The following CEP128 variants were observed in gnomAD, a reference collection of about 807,000 sequenced individuals.
CEP128 encodes centrosomal protein 128kDa.
Under a neutral mutation model 156.7 loss-of-function variants are expected in CEP128, and 132 were observed. That is an observed-to-expected ratio of 0.84 (90% CI 0.73 to 0.97). The LOEUF is 0.97. Ranked by LOEUF, CEP128 falls within the 50% of genes least tolerant of loss-of-function variation. CEP128 has a pLI of 0.00. For missense variants in CEP128, 1,252 were observed against 1,281.9 expected, an observed-to-expected ratio of 0.98 and a Z score of 0.36; for synonymous variants, 469 against 448.9, an observed-to-expected ratio of 1.04 and a Z score of -0.57.
intron 19 of CEP128, among the ~76,000 whole-genome samples, chr14:80,608,360 A>G (rs1202461126): frequency 6.6e-6 from 1 of 152,226 alleles, no homozygotes; most frequent in Non-Finnish European, 1.5e-5. Flanking sequence ...GCTCAGTAAT[A>G]CATGCTGAAT....
intron 19 of CEP128, among the ~76,000 whole-genome samples, chr14:80,703,511 T>C (rs1157982223): frequency 1.3e-5 from 2 of 151,118 alleles, no homozygotes; most frequent in African/African-American, 4.9e-5. Flanking sequence ...TTGGAGAAAT[T>C]AGAAAAAAAA....
intron 19 of CEP128, among the ~76,000 whole-genome samples, chr14:80,649,098 T>G (rs754086653): frequency 5.3e-5 from 8 of 152,084 alleles, no homozygotes; most frequent in Non-Finnish European, 1.0e-4. Flanking sequence ...TTATATAAAC[T>G]TGTAGAAGAA....
intron 7 of CEP128, 126 bp downstream of exon 7, chr14:80,899,812 T>C: frequency 1.7e-6 from 1 of 602,698 alleles, no homozygotes; most frequent in South Asian, 2.4e-5. Flanking sequence ...GTTCTGTTAA[T>C]AAATTTTAAG....
At chr14:80,932,420 T>TTAG (rs1309777217) in intron 2 of CEP128, among the ~76,000 whole-genome samples, 1 of 152,230 alleles carries the variant, frequency 6.6e-6, no homozygotes, top group Non-Finnish European at 1.5e-5. Context: ...GCCTTAAAAG[T>TTAG]ATGTCTGAGA....
At chr14:80,531,191 A>C (rs1374135751) in intron 21 of CEP128, among the ~76,000 whole-genome samples, 2 of 152,208 alleles carry the variant, frequency 1.3e-5, no homozygotes, top group African/African-American at 2.4e-5. Flanking sequence ...TTTCATATTA[A>C]TATTAATTTA....
chr14:80,873,157 C>T (rs894238512), intron 8 of CEP128, among the ~76,000 whole-genome samples: 1 of 152,100 alleles, frequency 6.6e-6, no homozygotes, highest in Admixed American at 6.5e-5. Flanking sequence ...ATGAGCTGGG[C>T]AGAGGGGATA....
chr14:80,815,161 A>G (rs1232638756), intron 13 of CEP128, among the ~76,000 whole-genome samples: 1 of 152,240 alleles, frequency 6.6e-6, no homozygotes, highest in East Asian at 1.9e-4. Context: ...ATATTTGTAA[A>G]CTATACATCT....
At chr14:80,508,466 T>A (rs1182899450) in intron 23 of CEP128, among the ~76,000 whole-genome samples, 1 of 152,206 alleles carries the variant, frequency 6.6e-6, no homozygotes, top group Non-Finnish European at 1.5e-5. Context: ...TTCATGGGAA[T>A]TTTCTCTATC....
chr14:80,644,647 A>C (rs1894561581), intron 19 of CEP128, among the ~76,000 whole-genome samples: 1 of 152,226 alleles, frequency 6.6e-6, no homozygotes, highest in Non-Finnish European at 1.5e-5. Context: ...TTTTCTGTTA[A>C]TATTCAATTC....
chr14:80,732,446 T>C (rs1898316579), intron 19 of CEP128, among the ~76,000 whole-genome samples: 2 of 150,292 alleles, frequency 1.3e-5, no homozygotes, highest in Admixed American at 6.7e-5. Flanking sequence ...TAAATGAAGA[T>C]TCATCTGGCA....
intron 19 of CEP128, among the ~76,000 whole-genome samples, chr14:80,689,694 A>G (rs74393178): frequency 1.3e-5 from 2 of 152,314 alleles, no homozygotes; most frequent in East Asian, 3.9e-4. Flanking sequence ...ATGTGTATAC[A>G]TATATACATA....
At chr14:80,790,072 T>C (rs1021241164) in intron 14 of CEP128, among the ~76,000 whole-genome samples, 1 of 152,074 alleles carries the variant, frequency 6.6e-6, no homozygotes, top group Non-Finnish European at 1.5e-5. Context: ...AGATAGCATA[T>C]ATTACATATA....
intron 14 of CEP128, among the ~76,000 whole-genome samples, chr14:80,788,072 A>G (rs546506408): frequency 6.6e-6 from 1 of 152,268 alleles, no homozygotes; most frequent in South Asian, 2.1e-4. Context: ...CAATACAGAT[A>G]CTAAAAACTA....
At chr14:80,626,160 T>A (rs1893708647) in intron 19 of CEP128, among the ~76,000 whole-genome samples, 2 of 152,180 alleles carry the variant, frequency 1.3e-5, no homozygotes, top group South Asian at 4.1e-4. Flanking sequence ...TAATCACAAT[T>A]GTCCTTATTA....
At chr14:80,507,023 A>C (rs1594924614) in intron 23 of CEP128, among the ~76,000 whole-genome samples, 1 of 150,908 alleles carries the variant, frequency 6.6e-6, no homozygotes, top group Non-Finnish European at 1.5e-5. Context: ...AGTGTGTGGC[A>C]CCTCCCCTCA....
chr14:80,558,268 A>G (rs1293124436), intron 21 of CEP128, among the ~76,000 whole-genome samples: 1 of 151,766 alleles, frequency 6.6e-6, no homozygotes, highest in Non-Finnish European at 1.5e-5. Flanking sequence ...TAAAACCATA[A>G]TTTTATTGAC....
chr14:80,568,738 T>C (rs1285465119), intron 20 of CEP128, among the ~76,000 whole-genome samples: 1 of 152,132 alleles, frequency 6.6e-6, no homozygotes, highest in East Asian at 1.9e-4. Context: ...CTAAACAATT[T>C]AAAGTAACCA....
chr14:80,863,109 G>A (rs1461603167), intron 8 of CEP128, among the ~76,000 whole-genome samples: 1 of 152,146 alleles, frequency 6.6e-6, no homozygotes, highest in Non-Finnish European at 1.5e-5. Context: ...CCCAATAAAT[G>A]CCTCAAATTT....
At chr14:80,575,142 T>C (rs887042442) in intron 20 of CEP128, among the ~76,000 whole-genome samples, 1 of 149,790 alleles carries the variant, frequency 6.7e-6, no homozygotes, top group Non-Finnish European at 1.5e-5. Flanking sequence ...ATCTATTATA[T>C]AGTATATGAA....
Sources: allele counts gnomAD v4.1 joint callset (sites outside exome capture counted in the v4.1 genomes callset), GRCh38; gene constraint gnomAD v4.1.1; transcripts MANE v1.5; gene names NCBI Gene and HGNC (gene_info 2026-07-23, HGNC 2026-07-21).